The following PRIM2 variants were observed in gnomAD, a reference collection of about 807,000 sequenced individuals.
The protein encoded by PRIM2 is DNA primase large subunit.
Under a neutral mutation model 67.3 loss-of-function variants are expected in PRIM2, and 39 were observed. That is an observed-to-expected ratio of 0.58 (90% CI 0.45 to 0.76). PRIM2 has a LOEUF of 0.76. Among genes scored for constraint, PRIM2 ranks in the 30% least tolerant of loss-of-function variants. PRIM2 has a pLI of 0.00. For synonymous variants in PRIM2, 143 were observed against 198.7 expected (o/e 0.72, Z 2.36); for missense variants, 398 against 598.7 (o/e 0.66, Z 3.50).
chr6:57,297,919 A>T, the PRIM2 span, among the ~76,000 whole-genome samples: 1 of 152,226 alleles, frequency 6.6e-6, no homozygotes, highest in East Asian at 1.9e-4. Flanking sequence ...AACCATGACG[A>T]CTAAATGCAA....
At chr6:57,601,389 A>G (rs1304913872) in intron 11 of PRIM2, among the ~76,000 whole-genome samples, 170 bp downstream of exon 11, 3 of 152,196 alleles carry the variant, frequency 2.0e-5, no homozygotes, top group Non-Finnish European at 2.9e-5. Flanking sequence ...AATTTGTCTT[A>G]TTACTGAACT....
chr6:57,449,339 C>A (rs1772461628), intron 7 of PRIM2, among the ~76,000 whole-genome samples: 2 of 152,110 alleles, frequency 1.3e-5, no homozygotes, highest in Non-Finnish European at 2.9e-5. Flanking sequence ...TTCTCTTGAA[C>A]AATTAAAATT....
At chr6:57,501,893 G>GT (rs1224019479) in intron 7 of PRIM2, among the ~76,000 whole-genome samples, 61 of 152,124 alleles carry the variant, frequency 4.0e-4, no homozygotes, top group African/African-American at 1.5e-3. Flanking sequence ...GGCTGGTTAG[G>GT]TTTTTTTGTT....
At chr6:57,355,354 A>G (rs1768998523) in intron 5 of PRIM2, among the ~76,000 whole-genome samples, 3 of 152,004 alleles carry the variant, frequency 2.0e-5, no homozygotes. Flanking sequence ...AAGAATATTT[A>G]ACAGACAGGT....
chr6:57,387,440 C>T (rs1770190135), intron 7 of PRIM2, among the ~76,000 whole-genome samples: 2 of 152,204 alleles, frequency 1.3e-5, no homozygotes, highest in African/African-American at 2.4e-5. Flanking sequence ...ACAGAGAGGC[C>T]AAAGTAATTT....
chr6:57,636,862 A>G (rs1276586894), intron 13 of PRIM2, among the ~76,000 whole-genome samples: 3 of 152,210 alleles, frequency 2.0e-5, no homozygotes, highest in African/African-American at 7.2e-5. Flanking sequence ...CTTGCCTGCC[A>G]GCTCTAAAGA....
At chr6:57,501,546 C>T (rs1554346886) in intron 7 of PRIM2, among the ~76,000 whole-genome samples, 3 of 152,248 alleles carry the variant, frequency 2.0e-5, no homozygotes, top group Admixed American at 6.5e-5. Context: ...GTGATCCACT[C>T]GCCTCAGCCT....
the PRIM2 span, among the ~76,000 whole-genome samples, chr6:57,254,599 T>C: frequency 2.6e-5 from 4 of 152,204 alleles, no homozygotes; most frequent in Non-Finnish European, 4.4e-5. Context: ...TGCTCAGGCC[T>C]TTCCTGGGCC....
At chr6:57,474,396 T>C (rs1227919653) in intron 7 of PRIM2, among the ~76,000 whole-genome samples, 1 of 151,958 alleles carries the variant, frequency 6.6e-6, no homozygotes, top group African/African-American at 2.4e-5. Flanking sequence ...GGATGGTCTC[T>C]ATCTCCTGAC....
intron 7 of PRIM2, among the ~76,000 whole-genome samples, chr6:57,498,985 A>G (rs1774069114): frequency 6.6e-6 from 1 of 152,170 alleles, no homozygotes; most frequent in Non-Finnish European, 1.5e-5. Context: ...CTTTCAAACA[A>G]TTCTACTTCA....
chr6:57,452,236 A>G (rs931124353), intron 7 of PRIM2, among the ~76,000 whole-genome samples: 24 of 152,320 alleles, frequency 1.6e-4, no homozygotes, highest in East Asian at 1.2e-3. Flanking sequence ...TAGTGCCGCA[A>G]TAAACATATG....
the PRIM2 span, among the ~76,000 whole-genome samples, chr6:57,296,639 C>T: frequency 6.6e-6 from 1 of 151,102 alleles, no homozygotes; most frequent in Non-Finnish European, 1.5e-5. Context: ...GGTAGGGGAG[C>T]AGTAGTGGTG....
At chr6:57,621,666 A>G (rs1776857551) in intron 12 of PRIM2, among the ~76,000 whole-genome samples, 1 of 152,132 alleles carries the variant, frequency 6.6e-6, no homozygotes, top group Admixed American at 6.6e-5. Flanking sequence ...TTAACTTACA[A>G]TTACTGTTTT....
At chr6:57,359,455 G>C (rs1326619293) in intron 5 of PRIM2, among the ~76,000 whole-genome samples, 1 of 152,228 alleles carries the variant, frequency 6.6e-6, no homozygotes, top group Non-Finnish European at 1.5e-5. Flanking sequence ...TACCTCTGGT[G>C]ACTTCATTTG....
At chr6:57,256,687 A>G in the PRIM2 span, among the ~76,000 whole-genome samples, 1 of 147,156 alleles carries the variant, frequency 6.8e-6, no homozygotes, top group Non-Finnish European at 1.5e-5. Flanking sequence ...ACACACACAC[A>G]GTTTTTCCTT....
intron 7 of PRIM2, among the ~76,000 whole-genome samples, chr6:57,386,059 G>T (rs1334527977): frequency 2.0e-5 from 3 of 151,716 alleles, no homozygotes; most frequent in South Asian, 2.1e-4. Flanking sequence ...GTATATCTGT[G>T]TACAGCTTTA....
chr6:57,346,480 T>C (rs902596043), intron 5 of PRIM2, among the ~76,000 whole-genome samples: 1 of 152,082 alleles, frequency 6.6e-6, no homozygotes, highest in African/African-American at 2.4e-5. Context: ...CCACCATGCC[T>C]GGCTAATTTT....
At chr6:57,280,502 A>G in the PRIM2 span, among the ~76,000 whole-genome samples, 1 of 151,994 alleles carries the variant, frequency 6.6e-6, no homozygotes, top group South Asian at 2.1e-4. Flanking sequence ...GATGTTAACC[A>G]AGTACTTTCT....
the PRIM2 span, among the ~76,000 whole-genome samples, chr6:57,251,537 A>G: frequency 1.3e-5 from 2 of 152,176 alleles, no homozygotes; most frequent in African/African-American, 2.4e-5. Context: ...AAATCTGACT[A>G]CCTAGCTTGG....
Sources: gnomAD v4.1 joint callset for allele counts (sites outside exome capture counted in the v4.1 genomes callset) on GRCh38, gnomAD v4.1.1 for gene constraint, MANE v1.5 for transcripts, NCBI Gene and HGNC (gene_info 2026-07-23, HGNC 2026-07-21) for gene names.